The following PTPRM variants were observed in gnomAD, a reference collection of about 807,000 sequenced individuals.
PTPRM encodes the protein protein tyrosine phosphatase receptor type M.
Under a neutral mutation model 186.7 loss-of-function variants are expected in PTPRM, and 47 were observed. That is an observed-to-expected ratio of 0.25 (90% CI 0.20 to 0.32). The LOEUF (loss-of-function observed/expected upper bound fraction) is 0.32. PTPRM is among the 10% of genes least tolerant of loss of function. PTPRM has a pLI of 1.00. For missense variants in PTPRM, 1,494 were observed against 1,865.0 expected, an observed-to-expected ratio of 0.80 and a Z score of 3.66; for synonymous variants, 668 against 674.9, an observed-to-expected ratio of 0.99 and a Z score of 0.16.
At position 8,220,410 on chromosome 18, in the gene PTPRM, A is replaced by G. The variant is rs138937779; in HGVS notation, c.2301-23648A>G. Among the ~76,000 whole-genome samples the G allele has an allele frequency of 5.4e-3, 819 of 152,302 alleles. 8 individuals are homozygous for G. Among genetic ancestry groups the G allele is most frequent in the African/African-American group, 0.019 (771 of 41,564 alleles). On this transcript the variant is annotated intron_variant, in intron 14 of 32. Transcript: ENST00000580170. ...TCATAAGATACTCTTACTTTTCAAC[A>G]CACATACACACACATATATCCCACA...
At chr18:7,845,764 G>T (rs1191859348) in intron 2 of PTPRM, among the ~76,000 whole-genome samples, 1 of 151,976 alleles carries the variant, frequency 6.6e-6, no homozygotes. Flanking sequence ...GTGGTCCTCC[G>T]TGTCCATACA....
At chr18:8,256,572 G>A (rs1044691354) in intron 19 of PTPRM, among the ~76,000 whole-genome samples, 1 of 152,192 alleles carries the variant, frequency 6.6e-6, no homozygotes, top group African/African-American at 2.4e-5. Flanking sequence ...TTATACTGAG[G>A]TTTCAGTAAA....
chr18:7,711,437 AT>A (rs565417913), intron 1 of PTPRM, among the ~76,000 whole-genome samples: 1 of 152,038 alleles, frequency 6.6e-6, no homozygotes, highest in East Asian at 1.9e-4. Flanking sequence ...AGCTGCAGGA[AT>A]TTTTTTTCAT....
At position 8,358,249 on chromosome 18, in the gene PTPRM, G is replaced by GCACGCACA. The variant is rs1555885341; in HGVS notation, c.3055-12638_3055-12637insGCACACAC. 3.4e-5 allele frequency among the ~76,000 whole-genome samples: 5 copies of GCACGCACA among 147,550 alleles called. No individual in the cohort carries two copies. In the South Asian group the frequency reaches 8.8e-4, roughly 26 times the overall value. On this transcript the variant is annotated intron_variant, in intron 23 of 32. Transcript: ENST00000580170. The stretch of plus-strand genomic sequence containing the variant: ...CTTCCCAAATGTATGCACATGACAC[G>GCACGCACA]CACACACACACACACACACACACAC...
At chr18:8,311,848 C>T (rs2095270975) in intron 20 of PTPRM, among the ~76,000 whole-genome samples, 3 of 152,084 alleles carry the variant, frequency 2.0e-5, no homozygotes, top group South Asian at 2.1e-4. Flanking sequence ...TGGAGATTGA[C>T]GTCCCTAAAG....
intron 4 of PTPRM, among the ~76,000 whole-genome samples, chr18:7,910,474 C>T (rs569368372): frequency 6.6e-6 from 1 of 152,318 alleles, no homozygotes; most frequent in Non-Finnish European, 1.5e-5. Flanking sequence ...ACTGAATTTT[C>T]TGGGGTTTAA....
intron 14 of PTPRM, among the ~76,000 whole-genome samples, chr18:8,240,254 A>G (rs2094400050): frequency 6.6e-6 from 1 of 152,106 alleles, no homozygotes; most frequent in Admixed American, 6.5e-5. Flanking sequence ...CTGTACAGGC[A>G]TACATTGATT....
intron 1 of PTPRM, among the ~76,000 whole-genome samples, chr18:7,763,594 A>AT (rs1410141314): frequency 6.6e-6 from 1 of 152,208 alleles, no homozygotes; most frequent in African/African-American, 2.4e-5. Flanking sequence ...TTGTATTAGA[A>AT]GAAGTTCTCC....
At chr18:8,221,064 C>CT (rs904840485) in intron 14 of PTPRM, among the ~76,000 whole-genome samples, 35 of 151,454 alleles carry the variant, frequency 2.3e-4, no homozygotes, top group Admixed American at 2.6e-4. Context: ...CTTGAAGTCT[C>CT]TTTTTTTTTC....
chr18:7,689,366 C>T (rs1281768264), intron 1 of PTPRM, among the ~76,000 whole-genome samples: 1 of 152,210 alleles, frequency 6.6e-6, no homozygotes, highest in Non-Finnish European at 1.5e-5. Context: ...ACATCAGGTG[C>T]ACGCACCCTT....
chr18:7,600,817 C>T (rs1256134841), intron 1 of PTPRM, among the ~76,000 whole-genome samples: 1 of 152,202 alleles, frequency 6.6e-6, no homozygotes, highest in Non-Finnish European at 1.5e-5. Context: ...TAGAGGAAGA[C>T]GCTGCGCCCC....
chr18:7,824,133 G>C (rs566240467), intron 2 of PTPRM, among the ~76,000 whole-genome samples: 1 of 152,116 alleles, frequency 6.6e-6, no homozygotes, highest in Non-Finnish European at 1.5e-5. Context: ...GTCTTCATCC[G>C]GGCCTCATTG....
chr18:7,890,184 T>G (rs1416863665), intron 3 of PTPRM, among the ~76,000 whole-genome samples: 1 of 152,244 alleles, frequency 6.6e-6, no homozygotes, highest in Non-Finnish European at 1.5e-5. Flanking sequence ...TGCAATATTT[T>G]GCTTTTCTCT....
rs181237731 is a variant in PTPRM, at chr18:7,611,360, C to T, written c.73+43469C>T. On this transcript the variant is annotated intron_variant, in intron 1 of 32. Transcript: ENST00000580170. The stretch of plus-strand genomic sequence containing the variant: ...TGTCCTAGGCCTTCCCATTCACTCA[C>T]CACTCACTGACCCATCCAGAGCAAC... Among the ~76,000 whole-genome samples the T allele has an allele frequency of 2.7e-4, 41 of 152,278 alleles. No individual in the cohort carries two copies. In the East Asian group the frequency reaches 7.2e-3, roughly 27 times the overall value.
chr18:7,694,126 G>T (rs2039792033), intron 1 of PTPRM, among the ~76,000 whole-genome samples: 2 of 152,110 alleles, frequency 1.3e-5, no homozygotes, highest in Admixed American at 1.3e-4. Flanking sequence ...CTGGCAGTGT[G>T]GTCTTCTCCA....
At chr18:8,313,798 G>A (rs1455009736) in intron 20 of PTPRM, among the ~76,000 whole-genome samples, 2 of 151,724 alleles carry the variant, frequency 1.3e-5, no homozygotes, top group African/African-American at 2.4e-5. Context: ...ATGCCTTTGT[G>A]CCCTCTTAGC....
At chr18:7,777,552 C>T (rs962278668) in intron 2 of PTPRM, among the ~76,000 whole-genome samples, 2 of 152,038 alleles carry the variant, frequency 1.3e-5, no homozygotes, top group African/African-American at 2.4e-5. Flanking sequence ...TGCTGATGCC[C>T]GTCTTAGACC....
chr18:7,779,132 G>A (rs542621658), intron 2 of PTPRM, among the ~76,000 whole-genome samples: 1 of 152,240 alleles, frequency 6.6e-6, no homozygotes, highest in African/African-American at 2.4e-5. Context: ...TATAATCATA[G>A]CTATAACCGT....
At chr18:7,628,478 G>GT (rs1404922854) in intron 1 of PTPRM, among the ~76,000 whole-genome samples, 5 of 152,090 alleles carry the variant, frequency 3.3e-5, no homozygotes, top group Non-Finnish European at 7.4e-5. Context: ...ATTGTAAATC[G>GT]TTTGTCTTTT....
Sources: allele counts gnomAD v4.1 joint callset (sites outside exome capture counted in the v4.1 genomes callset), GRCh38; gene constraint gnomAD v4.1.1; transcripts MANE v1.5; gene names NCBI Gene and HGNC (gene_info 2026-07-23, HGNC 2026-07-21).